The following ID1 variants were observed in gnomAD, a reference collection of about 807,000 sequenced individuals.
ID1 encodes inhibitor of DNA binding 1.
A neutral mutation model predicts 11.3 loss-of-function variants in ID1; 8 were observed. That is an observed-to-expected ratio of 0.71 (90% CI 0.42 to 1.28). The LOEUF (loss-of-function observed/expected upper bound fraction) is 1.28. Ranked by LOEUF, ID1 falls within the 50% of genes most tolerant of loss-of-function variation. ID1 has a pLI of 0.01. For synonymous variants in ID1, 176 were observed against 100.2 expected, an observed-to-expected ratio of 1.76 and a Z score of -4.52; for missense variants, 347 against 219.8, an observed-to-expected ratio of 1.58 and a Z score of -3.66.
At position 31,606,123 on chromosome 20, in the gene ID1, C is replaced by CA. The variant is rs755045570; in HGVS notation, c.*30dup. ...GCCTCCCCCAGGGACCGGCGGACCC[C>CA]AGCCATCCAGGGGGCAAGAGGAATT... is the stretch of plus-strand genomic sequence containing the variant. On this transcript the variant is annotated 3_prime_UTR_variant, in exon 2 of 2. Transcript: ENST00000376112. The CA allele has an allele frequency of 3.7e-6, 6 of 1,601,250 alleles. No individual in the cohort carries two copies. Among genetic ancestry groups the CA allele is most frequent in the Non-Finnish European group, 5.1e-6 (6 of 1,173,582 alleles).
At position 31,606,304 on chromosome 20, in the gene ID1, CAG is replaced by C. The variant is rs1459945166; in HGVS notation, c.*214_*215del. 21 of 595,440 alleles carry C rather than the reference CAG, an allele frequency of 3.5e-5. 1 individual carries two copies. The East Asian group carries it at 6.0e-4, about 17-fold the overall frequency. The allele number at this position is 595,440 out of a possible 1,614,324, so 36.9% of individuals were successfully genotyped here. ...TCCTCTCTGCACACCTACTAGTCAC[CAG>C]AGACTTTAGGGGGTGGGATTCCACT... On this transcript the variant is annotated 3_prime_UTR_variant, in exon 2 of 2. Transcript: ENST00000376112.
chr20:31,605,579 G>A lies in ID1; in HGVS notation c.192G>A (p.Val64=), dbSNP rs1280270646. The change falls in exon 1 of 2, where the codon GTG becomes GTA. Residue 64 remains valine, a synonymous_variant. Coordinates refer to ENST00000376112, the MANE Select transcript of ID1 (RefSeq NM_002165.4). ...TGCTGGACGAGCAGCAGGTAAACGT[G>A]CTGCTCTACGACATGAACGGCTGTT... The part of the protein sequence containing the change: ...PALLDEQQVN[V]LLYDMNGCYS... The A allele has an allele frequency of 3.8e-6, 6 of 1,562,546 alleles. No individual in the cohort carries two copies. Among genetic ancestry groups the A allele is most frequent in the African/African-American group, 2.7e-5 (2 of 73,564 alleles).
rs776380387 is a variant in ID1, at chr20:31,605,798, C to T, written c.411C>T (p.Ser137=). ...TCAGCACCCTCAACGGCGAGATCAG[C>T]GCCCTGACGGCCGAGGTGAGATCCA... is the stretch of plus-strand genomic sequence containing the variant. ...APLSTLNGEI[S]ALTAEAACVP... The change falls in exon 1 of 2, where the codon AGC becomes AGT. Residue 137 remains serine, a synonymous_variant. Coordinates refer to ENST00000376112, the MANE Select transcript of ID1 (RefSeq NM_002165.4). The T allele has an allele frequency of 6.2e-6, 10 of 1,611,282 alleles. No individual in the cohort carries two copies. The African/African-American group carries it at 8.0e-5, about 13-fold the overall frequency.
In ID1 at chr20:31,605,304, C is replaced by G. The variant is rs111423898; in HGVS notation, c.-84C>G. 12,731 of 1,287,358 alleles carry G rather than the reference C, an allele frequency of 9.9e-3. 935 individuals are homozygous for G. In the African/African-American group the frequency reaches 0.17, roughly 17 times the overall value. 79.7% of individuals were successfully genotyped at this position (1,287,358 alleles called of 1,614,324 possible). ...CCGCACTCTCATTCCACGTTCTTAACTGTTCCATTTTCCGTATCTGCTTCG... is the reference window on the plus strand; with the variant it reads ...CCGCACTCTCATTCCACGTTCTTAAGTGTTCCATTTTCCGTATCTGCTTCG... On this transcript the variant is annotated 5_prime_UTR_variant, in exon 1 of 2. Transcript: ENST00000376112.
Position 31,605,429 on chromosome 20 carries a change from C to T in ID1, c.42C>T (p.Gly14=). 2 of 1,607,932 alleles carry T rather than the reference C, an allele frequency of 1.2e-6. No individual in the cohort carries two copies. The highest frequency in any genetic ancestry group is 1.7e-6 in the Non-Finnish European group (2 of 1,178,484). The part of the protein sequence containing the change: ...ASGSTATAAA[G]PSCALKAGKT... ...GCAGCACCGCCACCGCCGCCGCGGG[C>T]CCCAGCTGCGCGCTGAAGGCCGGCA... The change falls in exon 1 of 2, where the codon GGC becomes GGT. Residue 14 remains glycine (G), a synonymous_variant. Transcript: ENST00000376112.
chr20:31,605,381 A>C lies in ID1; in HGVS notation c.-7A>C. On this transcript the variant is annotated 5_prime_UTR_variant, in exon 1 of 2. Transcript: ENST00000376112. ...GCCCATTCTGTTTCAGCCAGTCGCC[A>C]AGAATCATGAAAGTCGCCAGTGGCA... is the stretch of plus-strand genomic sequence containing the variant. 6.3e-7 allele frequency: 1 copy of C among 1,596,644 alleles called. No homozygotes were observed. The highest frequency in any genetic ancestry group is 1.1e-5 in the South Asian group (1 of 90,306).
Position 31,605,741 on chromosome 20 carries a change from C to T in ID1, c.354C>T (p.Pro118=), listed in dbSNP as rs11545371. ...ACTCGGAATCCGAAGTTGGAACCCC[C>T]GGGGGCCGAGGGCTGCCGGTCCGGG... is the stretch of plus-strand genomic sequence containing the variant. ...ELNSESEVGT[P]GGRGLPVRAP... Residue 118 remains proline (P), a synonymous_variant, in exon 1 of 2, where the codon CCC becomes CCT. Coordinates refer to ENST00000376112, the MANE Select transcript of ID1 (RefSeq NM_002165.4). The T allele has an allele frequency of 3.7e-5, 59 of 1,610,408 alleles. No homozygotes were observed. Among genetic ancestry groups the T allele is most frequent in the South Asian group, 2.9e-4 (26 of 90,586 alleles).
At position 31,606,109 on chromosome 20, in the gene ID1, G is replaced by T. The variant is rs921562569; in HGVS notation, c.*15G>T. 5 of 1,606,686 alleles carry T rather than the reference G, an allele frequency of 3.1e-6. No individual in the cohort carries two copies. In the African/African-American group the frequency reaches 5.3e-5, roughly 17 times the overall value. ...TGTGTCGCTGAAGCGCCTCCCCCAGGGACCGGCGGACCCCAGCCATCCAGG... is the reference window on the plus strand; with the variant it reads ...TGTGTCGCTGAAGCGCCTCCCCCAGTGACCGGCGGACCCCAGCCATCCAGG... On this transcript the variant is annotated 3_prime_UTR_variant, in exon 2 of 2. Coordinates refer to ENST00000376112, the MANE Select transcript of ID1 (RefSeq NM_002165.4).
chr20:31,605,604 T>TAA lies in ID1; in HGVS notation c.218_219insAA (p.Tyr73Ter). The TAA allele has an allele frequency of 6.4e-7, 1 of 1,574,462 alleles. No homozygotes were observed. Among genetic ancestry groups the TAA allele is most frequent in the Non-Finnish European group, 8.6e-7 (1 of 1,160,552 alleles). ...GCTGCTCTACGACATGAACGGCTGT[T>TAA]ACTCACGCCTCAAGGAGCTGGTGCC... ...NVLLYDMNGC[Y>*]SRLKELVPTL... The change falls in exon 1 of 2, where the codon TAC becomes TAAAC. Residue 73 changes from tyrosine to a stop codon, truncating the protein, a stop_gained and frameshift_variant. Coordinates refer to ENST00000376112, the MANE Select transcript of ID1 (RefSeq NM_002165.4). LOFTEE classifies it high-confidence loss of function.
At chr20:31,605,980 GA>G in intron 1 of ID1, 72 bp from the exon 2 acceptor site, 1 of 1,610,918 alleles carries the variant, frequency 6.2e-7, no homozygotes, top group Non-Finnish European at 8.5e-7. Context: ...GCTTCCTGGG[GA>G]AGGGGGCGTT....
chr20:31,605,876 G>A (rs751594024), intron 1 of ID1, 63 bp downstream of exon 1: 35 of 1,589,956 alleles, frequency 2.2e-5, no homozygotes, highest in Non-Finnish European at 2.7e-5. Flanking sequence ...GGCCAGAGAG[G>A]GCGTGGGCGC....
chr20:31,605,339 CTCATTTTTT>C lies in ID1; in HGVS notation c.-46_-38del, dbSNP rs1568818601. On this transcript the variant is annotated 5_prime_UTR_variant, in exon 1 of 2. Transcript: ENST00000376112. ...TTCCGTATCTGCTTCGGGCTTCCAC[CTCATTTTTT>C]TCGCTTTGCCCATTCTGTTTCAGCC... is the stretch of plus-strand genomic sequence containing the variant. The C allele has an allele frequency of 3.9e-6, 6 of 1,533,098 alleles. No individual in the cohort carries two copies. Among genetic ancestry groups the C allele is most frequent in the Non-Finnish European group, 1.8e-6 (2 of 1,137,162 alleles). The allele number at this position is 1,533,098 out of a possible 1,614,324, so 95.0% of individuals were successfully genotyped here. A position where few individuals can be genotyped will look rare whatever the true frequency, so the allele number is the denominator to read the frequency against.
rs368282089 is a variant in ID1, at chr20:31,605,373, C to T, written c.-15C>T. On this transcript the variant is annotated 5_prime_UTR_variant, in exon 1 of 2. Coordinates refer to ENST00000376112, the MANE Select transcript of ID1 (RefSeq NM_002165.4). ...TTCGCTTTGCCCATTCTGTTTCAGC[C>T]AGTCGCCAAGAATCATGAAAGTCGC... 1.8e-4 allele frequency: 285 copies of T among 1,593,224 alleles called. No homozygotes were observed. Among genetic ancestry groups the T allele is most frequent in the Non-Finnish European group, 2.2e-4 (264 of 1,175,908 alleles).
At position 31,605,507 on chromosome 20, in the gene ID1, G is replaced by A. The variant is rs1340626963; in HGVS notation, c.120G>A (p.Val40=). 4 of 1,592,226 alleles carry A rather than the reference G, an allele frequency of 2.5e-6. No homozygotes were observed. The highest frequency in any genetic ancestry group is 1.1e-5 in the South Asian group (1 of 89,534). ...EVVRCLSEQS[V]AISRCAGGAG... ...TGCGCTGTCTGTCTGAGCAGAGCGT[G>A]GCCATCTCGCGCTGCGCCGGGGGCG... Residue 40 remains valine, a synonymous_variant, in exon 1 of 2, where the codon GTG becomes GTA. Transcript: ENST00000376112.
Position 31,605,431 on chromosome 20 carries a change from C to G in ID1, c.44C>G (p.Pro15Arg). ...SGSTATAAAG[P>R]SCALKAGKTA... is the part of the protein sequence containing the mutation. ...AGCACCGCCACCGCCGCCGCGGGCCCCAGCTGCGCGCTGAAGGCCGGCAAG... is the reference window on the plus strand; with the variant it reads ...AGCACCGCCACCGCCGCCGCGGGCCGCAGCTGCGCGCTGAAGGCCGGCAAG... Residue 15 changes from proline to arginine, a missense_variant, in exon 1 of 2, where the codon CCC (proline) becomes CGC (arginine). Transcript: ENST00000376112. 6.2e-7 allele frequency: 1 copy of G among 1,608,278 alleles called. No individual in the cohort carries two copies. Among genetic ancestry groups the G allele is most frequent in the African/African-American group, 1.3e-5 (1 of 74,766 alleles).
Position 31,605,372 on chromosome 20 carries a change from C to T in ID1, c.-16C>T, listed in dbSNP as rs759645814. The T allele has an allele frequency of 1.4e-5, 23 of 1,592,348 alleles. No individual in the cohort carries two copies. The Admixed American group carries it at 2.6e-4, about 18-fold the overall frequency. On this transcript the variant is annotated 5_prime_UTR_variant, in exon 1 of 2. Transcript: ENST00000376112. The stretch of plus-strand genomic sequence containing the variant: ...TTTCGCTTTGCCCATTCTGTTTCAG[C>T]CAGTCGCCAAGAATCATGAAAGTCG...
chr20:31,605,525 C>G lies in ID1; in HGVS notation c.138C>G (p.Ala46=). The G allele has an allele frequency of 6.4e-7, 1 of 1,561,032 alleles. No homozygotes were observed. Among genetic ancestry groups the G allele is most frequent in the East Asian group, 2.4e-5 (1 of 42,070 alleles). ...SEQSVAISRC[A]GGAGARLPAL... is the part of the protein sequence containing the mutation. ...AGAGCGTGGCCATCTCGCGCTGCGCCGGGGGCGCCGGGGCGCGCCTGCCTG... is the reference window on the plus strand; with the variant it reads ...AGAGCGTGGCCATCTCGCGCTGCGCGGGGGGCGCCGGGGCGCGCCTGCCTG... Residue 46 remains alanine, a synonymous_variant, in exon 1 of 2, where the codon GCC becomes GCG. Transcript: ENST00000376112.
chr20:31,605,862 C>T (rs752452413), intron 1 of ID1, 49 bp downstream of exon 1: 19 of 1,595,678 alleles, frequency 1.2e-5, no homozygotes, highest in South Asian at 3.4e-5. Context: ...GACGGGGAAA[C>T]GGAGGCCAGA....
Position 31,606,105 on chromosome 20 carries a change from C to G in ID1, c.*11C>G. 1.2e-6 allele frequency: 2 copies of G among 1,608,046 alleles called. No homozygotes were observed. Among genetic ancestry groups the G allele is most frequent in the Non-Finnish European group, 1.7e-6 (2 of 1,179,620 alleles). On this transcript the variant is annotated 3_prime_UTR_variant, in exon 2 of 2. Coordinates refer to ENST00000376112, the MANE Select transcript of ID1 (RefSeq NM_002165.4). Reference sequence around the variant, plus strand: ...ATCTTGTGTCGCTGAAGCGCCTCCCCCAGGGACCGGCGGACCCCAGCCATC... The same window carrying G: ...ATCTTGTGTCGCTGAAGCGCCTCCCGCAGGGACCGGCGGACCCCAGCCATC...
Sources: gnomAD v4.1 joint callset for allele counts on GRCh38, gnomAD v4.1.1 for gene constraint, MANE v1.5 for transcripts, NCBI Gene and HGNC (gene_info 2026-07-23, HGNC 2026-07-21) for gene names.